The following PCDH11X variants were observed in gnomAD, a reference collection of about 807,000 sequenced individuals.
PCDH11X encodes protocadherin-11 X-linked.
PCDH11X carries 18 observed loss-of-function variants against 53.3 expected under a neutral mutation model. That is an observed-to-expected ratio of 0.34 (90% CI 0.23 to 0.50). The LOEUF (loss-of-function observed/expected upper bound fraction) is 0.50. PCDH11X is among the 20% of genes least tolerant of loss of function. The pLI is 0.98. For missense variants in PCDH11X, 570 were observed against 1,032.4 expected (o/e 0.55, Z 6.14); for synonymous variants, 279 against 393.3 (o/e 0.71, Z 3.44).
chrX:92,478,800 G>C (rs1043777863), intron 10 of PCDH11X, among the ~76,000 whole-genome samples: 4 of 110,080 alleles, frequency 3.6e-5, no homozygotes, highest in Non-Finnish European at 7.6e-5. Flanking sequence ...CGATTATGTG[G>C]TCAATTTTAG....
chrX:92,606,292 A>G (rs1259670739), intron 10 of PCDH11X, among the ~76,000 whole-genome samples: 4 of 109,091 alleles, frequency 3.7e-5, no homozygotes, highest in African/African-American at 1.3e-4. Flanking sequence ...ATTTAAGAGA[A>G]CTAGATTAGC....
chrX:92,291,586 T>G (rs1382306456), intron 8 of PCDH11X, among the ~76,000 whole-genome samples: 8 of 99,445 alleles, frequency 8.0e-5, no homozygotes, highest in Admixed American at 3.4e-4. Flanking sequence ...AAATGAACTA[T>G]CTAATTACTC....
At chrX:92,589,001 A>G (rs1350340788) in intron 10 of PCDH11X, among the ~76,000 whole-genome samples, 1 of 111,452 alleles carries the variant, frequency 9.0e-6, no homozygotes, top group Non-Finnish European at 1.9e-5. Flanking sequence ...GCCAGGATAG[A>G]CTGGTAAGAC....
intron 6 of PCDH11X, among the ~76,000 whole-genome samples, chrX:92,085,939 G>A (rs923062314): frequency 9.0e-6 from 1 of 111,647 alleles, no homozygotes; most frequent in Non-Finnish European, 1.9e-5. Context: ...ATACATACCA[G>A]ATTTTGATCA....
intron 10 of PCDH11X, among the ~76,000 whole-genome samples, chrX:92,538,275 T>C (rs1259113934): frequency 9.9e-6 from 1 of 100,823 alleles, no homozygotes; most frequent in African/African-American, 3.6e-5. Flanking sequence ...GAGAAGTTTG[T>C]TTTTTTAAGG....
At chrX:92,460,851 A>C (rs2073025484) in intron 9 of PCDH11X, 5 of 1,023,271 alleles carry the variant, frequency 4.9e-6, no homozygotes, top group Middle Eastern at 3.3e-4. Flanking sequence ...TGCCTTGGAC[A>C]GCAGGAACTC....
At chrX:92,188,784 G>A (rs1038503068) in intron 6 of PCDH11X, among the ~76,000 whole-genome samples, 3 of 111,652 alleles carry the variant, frequency 2.7e-5, no homozygotes, top group Admixed American at 9.6e-5. Context: ...AAGTTTATAC[G>A]TGAAAGTGAT....
At chrX:92,431,580 T>G (rs914228112) in intron 9 of PCDH11X, among the ~76,000 whole-genome samples, 16 of 110,234 alleles carry the variant, frequency 1.5e-4, no homozygotes, top group African/African-American at 4.9e-4. Flanking sequence ...AATGGGAGTA[T>G]TTCTATTATT....
At chrX:92,280,791 T>TA (rs1045628472) in intron 8 of PCDH11X, among the ~76,000 whole-genome samples, 10 of 106,706 alleles carry the variant, frequency 9.4e-5, no homozygotes, top group East Asian at 2.9e-4. Flanking sequence ...ATATTTTTTT[T>TA]AAAAAAAAAT....
intron 8 of PCDH11X, among the ~76,000 whole-genome samples, chrX:92,289,048 T>C (rs766956690): frequency 9.7e-4 from 109 of 111,957 alleles, no homozygotes; most frequent in African/African-American, 3.4e-3. Flanking sequence ...TGTATTTTAG[T>C]AAATTTTGTA....
At chrX:92,575,986 A>G (rs1922877196) in intron 10 of PCDH11X, among the ~76,000 whole-genome samples, 1 of 37,751 alleles carries the variant, frequency 2.6e-5, no homozygotes, top group African/African-American at 1.8e-4. Flanking sequence ...GTGTATATAT[A>G]TATATATATA....
intron 6 of PCDH11X, among the ~76,000 whole-genome samples, chrX:91,956,254 T>C (rs1015176781): frequency 1.8e-5 from 2 of 110,952 alleles, no homozygotes; most frequent in Non-Finnish European, 3.8e-5. Context: ...CCATTTACAT[T>C]TAAGGTTAAT....
At chrX:92,371,154 C>A (rs1171410248) in intron 8 of PCDH11X, among the ~76,000 whole-genome samples, 1 of 111,373 alleles carries the variant, frequency 9.0e-6, no homozygotes, top group Non-Finnish European at 1.9e-5. Flanking sequence ...GTTATTCATT[C>A]ACTATGCCAG....
At chrX:92,383,742 T>G (rs1420076431) in intron 8 of PCDH11X, among the ~76,000 whole-genome samples, 1 of 112,030 alleles carries the variant, frequency 8.9e-6, no homozygotes, top group Non-Finnish European at 1.9e-5. Context: ...ACATTTGGGT[T>G]GGTTCCAAGT....
chrX:92,515,069 G>A (rs200699324), intron 10 of PCDH11X, among the ~76,000 whole-genome samples: 212 of 79,386 alleles, frequency 2.7e-3, no homozygotes, highest in Middle Eastern at 6.9e-3. Flanking sequence ...AAAAAGAAAA[G>A]AAAAGAATCA....
intron 7 of PCDH11X, among the ~76,000 whole-genome samples, chrX:92,242,941 G>C (rs62600695): frequency 9.0e-6 from 1 of 110,649 alleles, no homozygotes; most frequent in South Asian, 3.8e-4. Context: ...AGTTTTGTCC[G>C]TGTTCTGACT....
intron 7 of PCDH11X, among the ~76,000 whole-genome samples, chrX:92,252,135 C>T (rs189590822): frequency 1.1e-3 from 127 of 111,182 alleles, no homozygotes; most frequent in African/African-American, 4.0e-3. Context: ...ACCACCAGCA[C>T]TCTAAGTTGA....
At chrX:92,435,333 G>A (rs1020297967) in intron 9 of PCDH11X, among the ~76,000 whole-genome samples, 6 of 110,877 alleles carry the variant, frequency 5.4e-5, no homozygotes, top group African/African-American at 2.0e-4. Context: ...TGAAAGGTAT[G>A]GGGAGAAAGC....
chrX:92,551,726 T>C (rs1398499932), intron 10 of PCDH11X, among the ~76,000 whole-genome samples: 8 of 111,141 alleles, frequency 7.2e-5, no homozygotes, highest in African/African-American at 9.8e-5. Context: ...ATTTTATTTT[T>C]GTATAGGATG....
Sources: gnomAD v4.1 joint callset for allele counts (sites outside exome capture counted in the v4.1 genomes callset) on GRCh38, gnomAD v4.1.1 for gene constraint, MANE v1.5 for transcripts, NCBI Gene and HGNC (gene_info 2026-07-23, HGNC 2026-07-21) for gene names.